RBM20: variants seen among roughly 807,000 people sequenced by gnomAD.
The protein encoded by RBM20 is RNA binding motif protein 20, also known as RNA-binding protein 20.
RBM20 carries 51 observed loss-of-function variants against 110.1 expected under a neutral mutation model. That is an observed-to-expected ratio of 0.46 (90% CI 0.37 to 0.59). The LOEUF is 0.59. Among genes scored for constraint, RBM20 ranks in the 20% least tolerant of loss-of-function variants. RBM20 has a pLI of 0.00. For missense variants in RBM20, 1,512 were observed against 1,574.9 expected (o/e 0.96, Z 0.68); for synonymous variants, 589 against 618.2 (o/e 0.95, Z 0.70).
At chr10:110,792,872 T>G (rs570346496) in intron 5 of RBM20, among the ~76,000 whole-genome samples, 1 of 152,274 alleles carries the variant, frequency 6.6e-6, no homozygotes, top group East Asian at 1.9e-4. Flanking sequence ...TGGGAATGGA[T>G]GCATGGTTAA....
intron 1 of RBM20, among the ~76,000 whole-genome samples, chr10:110,657,018 ATTCTT>A (rs1862035724): frequency 1.4e-5 from 2 of 144,328 alleles, no homozygotes; most frequent in African/African-American, 5.4e-5. Context: ...TCATATGGTA[ATTCTT>A]TTTTTTTTTT....
intron 12 of RBM20, among the ~76,000 whole-genome samples, chr10:110,828,536 C>T (rs1373292953): frequency 6.6e-6 from 1 of 152,178 alleles, no homozygotes; most frequent in African/African-American, 2.4e-5. Flanking sequence ...GGTTGGGGTT[C>T]AAGTGAGAAA....
intron 5 of RBM20, 73 bp from the exon 6 acceptor site, chr10:110,797,435 T>C (rs1554900760): frequency 7.2e-7 from 1 of 1,391,984 alleles, no homozygotes; most frequent in Non-Finnish European, 9.5e-7. Context: ...AAGATAGCCA[T>C]TAAGAACGTC....
chr10:110,705,920 A>G (rs1862830867), intron 1 of RBM20, among the ~76,000 whole-genome samples: 1 of 152,044 alleles, frequency 6.6e-6, no homozygotes, highest in African/African-American at 2.4e-5. Context: ...CATCTCTACT[A>G]AAAATACAAA....
intron 11 of RBM20, among the ~76,000 whole-genome samples, chr10:110,822,759 C>CATG (rs1300660443): frequency 6.6e-6 from 1 of 152,154 alleles, no homozygotes; most frequent in Non-Finnish European, 1.5e-5. Context: ...CTGTGGGTGG[C>CATG]ATGAGCTGTT....
At chr10:110,803,388 C>G (rs1046297658) in intron 7 of RBM20, among the ~76,000 whole-genome samples, 1 of 152,170 alleles carries the variant, frequency 6.6e-6, no homozygotes, top group South Asian at 2.1e-4. Flanking sequence ...AGTCACCCAG[C>G]CAAGAAGCCG....
At chr10:110,746,388 G>C (rs953912805) in intron 1 of RBM20, among the ~76,000 whole-genome samples, 2 of 152,206 alleles carry the variant, frequency 1.3e-5, no homozygotes, top group Non-Finnish European at 2.9e-5. Flanking sequence ...CCACTGTAGA[G>C]TGGTTATTCT....
intron 9 of RBM20, among the ~76,000 whole-genome samples, chr10:110,815,188 G>C: frequency 6.6e-6 from 1 of 152,202 alleles, no homozygotes; most frequent in East Asian, 1.9e-4. Flanking sequence ...ATTAGGATCT[G>C]ATTTCTGCAA....
intron 1 of RBM20, among the ~76,000 whole-genome samples, chr10:110,697,902 TTTTTTTTTTTC>T (rs1372773411): frequency 1.9e-4 from 16 of 82,490 alleles, no homozygotes; most frequent in Non-Finnish European, 2.2e-4. Flanking sequence ...GCCTTGTTTC[TTTTTTTTTTTC>T]TTTTTTTTTT....
intron 1 of RBM20, among the ~76,000 whole-genome samples, chr10:110,656,012 C>T (rs1033847978): frequency 1.3e-5 from 2 of 151,434 alleles, no homozygotes; most frequent in Non-Finnish European, 2.9e-5. Flanking sequence ...TAATAATAAA[C>T]ATTGTTGGCT....
intron 1 of RBM20, among the ~76,000 whole-genome samples, chr10:110,777,251 A>G (rs1339142099): frequency 2.0e-5 from 3 of 152,242 alleles, no homozygotes; most frequent in South Asian, 2.1e-4. Flanking sequence ...GCTGAGTGAT[A>G]TAAAAGTGAC....
intron 5 of RBM20, among the ~76,000 whole-genome samples, chr10:110,786,018 C>T (rs1343476589): frequency 1.3e-5 from 2 of 152,182 alleles, no homozygotes; most frequent in Non-Finnish European, 2.9e-5. Flanking sequence ...GTCTCTGCAA[C>T]ATACATTTTC....
intron 1 of RBM20, among the ~76,000 whole-genome samples, chr10:110,681,780 A>G (rs1862425529): frequency 6.6e-6 from 1 of 152,202 alleles, no homozygotes. Context: ...ATCACAACCA[A>G]GAAAAGAATA....
chr10:110,779,037 C>T (rs578161180), intron 1 of RBM20, among the ~76,000 whole-genome samples: 9 of 152,354 alleles, frequency 5.9e-5, no homozygotes, highest in African/African-American at 2.2e-4. Flanking sequence ...TTGAAGGGAA[C>T]TGTGATATTG....
Position 110,739,172 on chromosome 10 carries a change from A to G in RBM20, c.192-41629A>G, listed in dbSNP as rs1590646582. Among the ~76,000 whole-genome samples, 1 of 152,172 alleles carries G rather than the reference A, an allele frequency of 6.6e-6. No homozygotes were observed. Among genetic ancestry groups the G allele is most frequent in the East Asian group, 1.9e-4 (1 of 5,194 alleles). ...TCCTCCTGAGGACCAAGGCCTGCATAGTCTGATTTATGCTATATGTATGTA... is the reference window on the plus strand; with the variant it reads ...TCCTCCTGAGGACCAAGGCCTGCATGGTCTGATTTATGCTATATGTATGTA... On this transcript the variant is annotated intron_variant, in intron 1 of 13. Transcript: ENST00000369519. This position sits in a 1 kb window ranked among gnomAD's most constrained non-coding sequence, Gnocchi z 4.1.
At chr10:110,818,077 C>T (rs1273118289) in intron 9 of RBM20, among the ~76,000 whole-genome samples, 3 of 150,382 alleles carry the variant, frequency 2.0e-5, no homozygotes, top group East Asian at 2.0e-4. Context: ...GTCAGGAGTT[C>T]GAGACCAGCC....
upstream of RBM20, chr10:110,644,248 C>G: frequency 2.3e-6 from 1 of 439,662 alleles, no homozygotes; most frequent in Non-Finnish European, 3.9e-6. This position sits in a 1 kb window ranked among gnomAD's most constrained non-coding sequence, Gnocchi z 4.3. Context: ...GCCCCCGCCC[C>G]CGCGTGGCCG....
chr10:110,658,615 T>C (rs1357552203), intron 1 of RBM20, among the ~76,000 whole-genome samples: 5 of 152,062 alleles, frequency 3.3e-5, no homozygotes, highest in African/African-American at 1.2e-4. Flanking sequence ...ACCCCCGGCC[T>C]CCTGCTGGAT....
intron 1 of RBM20, among the ~76,000 whole-genome samples, chr10:110,662,647 A>G (rs1862121357): frequency 6.6e-6 from 1 of 152,242 alleles, no homozygotes; most frequent in South Asian, 2.1e-4. Context: ...TTGACCAATC[A>G]ATCCTATTAT....
Sources: allele counts gnomAD v4.1 joint callset (sites outside exome capture counted in the v4.1 genomes callset), GRCh38; gene constraint gnomAD v4.1.1; non-coding constraint Gnocchi (gnomAD v3.1); transcripts MANE v1.5; gene names NCBI Gene and HGNC (gene_info 2026-07-23, HGNC 2026-07-21).